Variants in CADPS2 observed in about 807,000 individuals in gnomAD.
The protein encoded by CADPS2 is calcium-dependent secretion activator 2.
CADPS2 carries 93 observed loss-of-function variants against 172.5 expected under a neutral mutation model. That is an observed-to-expected ratio of 0.54 (90% CI 0.46 to 0.64). The LOEUF is 0.64. CADPS2 is among the 30% of genes least tolerant of loss of function. The pLI, the probability that CADPS2 is intolerant of heterozygous loss-of-function variation, is 0.00. For synonymous variants in CADPS2, 546 were observed against 555.2 expected, an observed-to-expected ratio of 0.98 and a Z score of 0.23; for missense variants, 1,420 against 1,565.9, an observed-to-expected ratio of 0.91 and a Z score of 1.57.
At chr7:122,362,706 C>T (rs996796333) in intron 25 of CADPS2, among the ~76,000 whole-genome samples, 3 of 152,204 alleles carry the variant, frequency 2.0e-5, no homozygotes, top group Non-Finnish European at 2.9e-5. Flanking sequence ...GGGAAATTAA[C>T]GAAGACTGGT....
intron 2 of CADPS2, among the ~76,000 whole-genome samples, chr7:122,714,742 C>CTAA (rs1365707253): frequency 6.6e-6 from 1 of 152,040 alleles, no homozygotes; most frequent in African/African-American, 2.4e-5. Context: ...ACTGTACTAG[C>CTAA]TAATATTTCA....
intron 9 of CADPS2, among the ~76,000 whole-genome samples, chr7:122,509,048 T>A (rs1036977800): frequency 6.6e-6 from 1 of 152,170 alleles, no homozygotes; most frequent in Non-Finnish European, 1.5e-5. Flanking sequence ...TTCACTTCAC[T>A]TTATCTTACT....
chr7:122,770,928 C>T (rs1022310440), intron 1 of CADPS2, among the ~76,000 whole-genome samples: 2 of 152,214 alleles, frequency 1.3e-5, no homozygotes, highest in East Asian at 3.9e-4. Flanking sequence ...GAAAAATTCT[C>T]AGTGCTCCAT....
intron 15 of CADPS2, among the ~76,000 whole-genome samples, chr7:122,449,171 G>T (rs1022292246): frequency 1.3e-5 from 2 of 152,056 alleles, no homozygotes; most frequent in African/African-American, 4.8e-5. Context: ...ATAATAATGG[G>T]GACTTATTCA....
chr7:122,482,742 G>A (rs968316353), intron 11 of CADPS2, among the ~76,000 whole-genome samples: 2 of 152,122 alleles, frequency 1.3e-5, no homozygotes, highest in Non-Finnish European at 2.9e-5. Flanking sequence ...TGGTCTCCCT[G>A]AGTTCAAAAG....
At chr7:122,679,277 G>GGGGGGGGC (rs869229827) in intron 2 of CADPS2, among the ~76,000 whole-genome samples, 2 of 104,632 alleles carry the variant, frequency 1.9e-5, no homozygotes, top group East Asian at 3.8e-4. Flanking sequence ...GGGGGGGGGG[G>GGGGGGGGC]CTCTAAAATG....
intron 20 of CADPS2, among the ~76,000 whole-genome samples, chr7:122,405,131 C>CA (rs1374459294): frequency 1.9e-4 from 28 of 150,950 alleles, no homozygotes; most frequent in African/African-American, 6.4e-4. Context: ...AAACAAAAAA[C>CA]AAAAAAACAA....
intron 17 of CADPS2, among the ~76,000 whole-genome samples, chr7:122,418,470 G>A (rs529760953): frequency 2.6e-5 from 4 of 152,312 alleles, no homozygotes; most frequent in African/African-American, 2.4e-5. Flanking sequence ...TATATCCTAT[G>A]AATAACTTGG....
In CADPS2 at chr7:122,399,660, CTTTTTTTTTTTTTTTTTTTTTTTTTTT is replaced by C. The variant is rs1008163151; in HGVS notation, c.2747-6105_2747-6079del. 9.2e-3 allele frequency among the ~76,000 whole-genome samples: 470 copies of C among 51,234 alleles called. 8 individuals carry two copies. Among genetic ancestry groups the C allele is most frequent in the African/African-American group, 0.03 (439 of 14,722 alleles). 33.6% of individuals were successfully genotyped at this position (51,234 alleles called of 152,430 possible). A position where few individuals can be genotyped will look rare whatever the true frequency, so the allele number is the denominator to read the frequency against. Reference sequence around the variant, plus strand: ...CGATAACTCTCTCAAGGGTGGGTTTCTTTTTTTTTTTTTTTTTTTTTTTTTTTTTTTTTTTTTTTTTTTTGAGACGGA... The same window carrying C: ...CGATAACTCTCTCAAGGGTGGGTTTCTTTTTTTTTTTTTTTTTGAGACGGA... On this transcript the variant is annotated intron_variant, in intron 20 of 29. Transcript: ENST00000449022.
intron 27 of CADPS2, among the ~76,000 whole-genome samples, chr7:122,354,721 T>C (rs1334463390): frequency 3.3e-5 from 5 of 152,196 alleles, no homozygotes; most frequent in Non-Finnish European, 2.9e-5. Context: ...TAAGTTACTA[T>C]TGAACAGGAC....
intron 7 of CADPS2, among the ~76,000 whole-genome samples, chr7:122,561,012 T>A (rs1032769892): frequency 6.6e-6 from 1 of 152,162 alleles, no homozygotes; most frequent in African/African-American, 2.4e-5. Context: ...TAGTAACAGT[T>A]TCTCGTGTTT....
chr7:122,556,496 C>G (rs185504294), intron 7 of CADPS2, among the ~76,000 whole-genome samples: 49 of 152,064 alleles, frequency 3.2e-4, no homozygotes, highest in Non-Finnish European at 1.0e-4. Context: ...TGGTATTGTA[C>G]CAAACTCTGA....
intron 1 of CADPS2, among the ~76,000 whole-genome samples, chr7:122,759,510 CAG>C: frequency 6.6e-6 from 1 of 152,194 alleles, no homozygotes; most frequent in South Asian, 2.1e-4. Context: ...TGTAAATAAA[CAG>C]ATATGGTAGA....
chr7:122,606,827 T>A (rs1165631283), intron 6 of CADPS2, among the ~76,000 whole-genome samples: 1 of 152,088 alleles, frequency 6.6e-6, no homozygotes, highest in Non-Finnish European at 1.5e-5. Flanking sequence ...AAATGAAATT[T>A]AAGCAGAAAG....
intron 9 of CADPS2, among the ~76,000 whole-genome samples, chr7:122,491,689 C>G (rs572745561): frequency 6.6e-6 from 1 of 152,172 alleles, no homozygotes; most frequent in African/African-American, 2.4e-5. Context: ...ATAGAAGCAC[C>G]ATAAATAAGT....
intron 1 of CADPS2, among the ~76,000 whole-genome samples, chr7:122,846,522 T>C (rs1812027830): frequency 6.6e-6 from 1 of 152,196 alleles, no homozygotes; most frequent in African/African-American, 2.4e-5. Flanking sequence ...TTGAACTATA[T>C]ATTTATATTC....
intron 1 of CADPS2, among the ~76,000 whole-genome samples, chr7:122,797,144 C>G (rs1266368888): frequency 1.3e-5 from 2 of 151,460 alleles, no homozygotes; most frequent in Non-Finnish European, 2.9e-5. Context: ...CAAATCAAAC[C>G]ACAACGAGAT....
At chr7:122,809,874 G>A (rs1799649136) in intron 1 of CADPS2, among the ~76,000 whole-genome samples, 1 of 152,086 alleles carries the variant, frequency 6.6e-6, no homozygotes, top group South Asian at 2.1e-4. Flanking sequence ...CTTTCCACGT[G>A]TCAACCTCTA....
At chr7:122,354,214 T>C (rs1439680898) in intron 27 of CADPS2, 1 of 152,218 alleles carries the variant, frequency 6.6e-6, no homozygotes, top group Non-Finnish European at 1.5e-5. Flanking sequence ...ATAATAATAA[T>C]GTATGATAAT....
Sources: gnomAD v4.1 joint callset for allele counts (sites outside exome capture counted in the v4.1 genomes callset) on GRCh38, gnomAD v4.1.1 for gene constraint, MANE v1.5 for transcripts, NCBI Gene and HGNC (gene_info 2026-07-23, HGNC 2026-07-21) for gene names.